The following LRRIQ3 variants were observed in gnomAD, a reference collection of about 807,000 sequenced individuals.
LRRIQ3 encodes the protein leucine rich repeats and IQ motif containing 3.
LRRIQ3 carries 75 observed loss-of-function variants against 59.3 expected under a neutral mutation model. That is an observed-to-expected ratio of 1.26 (90% CI 1.05 to 1.53). The LOEUF is 1.53. Among genes scored for constraint, LRRIQ3 ranks in the 40% most tolerant of loss-of-function variants. LRRIQ3 has a pLI of 0.00. For missense variants in LRRIQ3, 831 were observed against 710.0 expected, an observed-to-expected ratio of 1.17 and a Z score of -1.94; for synonymous variants, 250 against 231.3, an observed-to-expected ratio of 1.08 and a Z score of -0.73.
At chr1:74,040,105 G>A (rs115438332) in intron 7 of LRRIQ3, among the ~76,000 whole-genome samples, 6,517 of 151,680 alleles carry the variant, frequency 0.043, 210 homozygotes, top group Non-Finnish European at 0.07. Flanking sequence ...CCAAGCAAAT[G>A]GAAAGGAAAA....
intron 5 of LRRIQ3, among the ~76,000 whole-genome samples, chr1:74,090,393 T>C (rs1383931634): frequency 5.3e-5 from 8 of 151,892 alleles, no homozygotes; most frequent in Non-Finnish European, 1.0e-4. Context: ...AACTTAAAAA[T>C]AAATTATAAA....
At chr1:74,147,307 G>A (rs938208315) in intron 4 of LRRIQ3, among the ~76,000 whole-genome samples, 1 of 152,022 alleles carries the variant, frequency 6.6e-6, no homozygotes, top group African/African-American at 2.4e-5. Context: ...AAATTTTCTA[G>A]GCAACAAGAA....
At chr1:74,068,806 C>T (rs1202931035) in intron 6 of LRRIQ3, among the ~76,000 whole-genome samples, 1 of 150,808 alleles carries the variant, frequency 6.6e-6, no homozygotes, top group Non-Finnish European at 1.5e-5. Flanking sequence ...TCAGTCATTC[C>T]AGCAAACAAT....
intron 4 of LRRIQ3, among the ~76,000 whole-genome samples, chr1:74,143,769 G>A (rs1015775533): frequency 3.3e-5 from 5 of 150,790 alleles, no homozygotes; most frequent in Non-Finnish European, 5.9e-5. Context: ...CCAAAATGAA[G>A]TCTCAAAACC....
intron 6 of LRRIQ3, among the ~76,000 whole-genome samples, chr1:74,055,467 C>T (rs972175401): frequency 1.3e-5 from 2 of 151,742 alleles, no homozygotes; most frequent in Non-Finnish European, 2.9e-5. Flanking sequence ...TTTTTTGTGT[C>T]TTCTCTCTTA....
At position 74,195,980 on chromosome 1, in the gene LRRIQ3, C is replaced by T. The variant is rs754809518; in HGVS notation, c.-1+2016G>A. ...CAACTGCCACGGAAATTTACTCCTA[C>T]TCATATATATAGTATTTTTTAATTT... On this transcript the variant is annotated intron_variant, in intron 1 of 7. Coordinates refer to ENST00000354431, the MANE Select transcript of LRRIQ3 (RefSeq NM_001105659.2). Among the ~76,000 whole-genome samples, 128 of 151,778 alleles carry T rather than the reference C, an allele frequency of 8.4e-4. 1 individual carries two copies. The highest frequency in any genetic ancestry group is 2.9e-4 in the Non-Finnish European group (20 of 67,968).
At chr1:74,125,069 C>T (rs1335326793) in intron 4 of LRRIQ3, among the ~76,000 whole-genome samples, 1 of 151,800 alleles carries the variant, frequency 6.6e-6, no homozygotes. Context: ...AGAGATTGCT[C>T]ACTTCTTTGG....
intron 4 of LRRIQ3, among the ~76,000 whole-genome samples, chr1:74,113,878 G>T (rs1048514967): frequency 2.0e-5 from 3 of 151,560 alleles, no homozygotes; most frequent in Non-Finnish European, 4.4e-5. Flanking sequence ...TTATTAATGG[G>T]TATAAATGCA....
intron 6 of LRRIQ3, among the ~76,000 whole-genome samples, chr1:74,063,871 A>G (rs1334644580): frequency 6.6e-6 from 1 of 151,932 alleles, no homozygotes; most frequent in Non-Finnish European, 1.5e-5. Flanking sequence ...ATCTTTATCA[A>G]TTCACATTTA....
chr1:74,186,737 C>T (rs1256876900), intron 1 of LRRIQ3, among the ~76,000 whole-genome samples: 1 of 151,920 alleles, frequency 6.6e-6, no homozygotes, highest in Non-Finnish European at 1.5e-5. Context: ...TAATTCAATG[C>T]CTTTTTTTTC....
intron 4 of LRRIQ3, among the ~76,000 whole-genome samples, chr1:74,129,129 G>A (rs1646976211): frequency 6.6e-6 from 1 of 151,984 alleles, no homozygotes; most frequent in Admixed American, 6.6e-5. Flanking sequence ...ATGTTCACTC[G>A]AGCCTGCAGA....
chr1:74,095,409 T>C (rs1646438472), intron 5 of LRRIQ3, among the ~76,000 whole-genome samples: 1 of 152,158 alleles, frequency 6.6e-6, no homozygotes, highest in African/African-American at 2.4e-5. Flanking sequence ...CATAGAACTG[T>C]TCATGTAAAT....
At chr1:74,073,208 A>C (rs565908201) in intron 6 of LRRIQ3, among the ~76,000 whole-genome samples, 1 of 152,202 alleles carries the variant, frequency 6.6e-6, no homozygotes, top group African/African-American at 2.4e-5. Context: ...AATACTATTT[A>C]GTTTTCATAT....
At chr1:74,078,711 T>G (rs1393983622) in intron 5 of LRRIQ3, 1 of 151,828 alleles carries the variant, frequency 6.6e-6, no homozygotes, top group Non-Finnish European at 1.5e-5. Context: ...CAGATGATTT[T>G]GGATAACCTG....
chr1:74,179,411 A>G (rs753716399), intron 3 of LRRIQ3, among the ~76,000 whole-genome samples: 3 of 151,974 alleles, frequency 2.0e-5, no homozygotes, highest in Non-Finnish European at 2.9e-5. Context: ...TTTTCAAATG[A>G]GCATATGCTT....
rs192507661 is a variant in LRRIQ3, at chr1:74,030,834, A to T, written c.1719-3865T>A. 6.1e-3 allele frequency among the ~76,000 whole-genome samples: 923 copies of T among 152,312 alleles called. 5 individuals are homozygous for T. Among genetic ancestry groups the T allele is most frequent in the African/African-American group, 0.021 (872 of 41,572 alleles). ...TCAGAATGAACAGACAACCTACAGA[A>T]TGTGAGAAAACTTTTGCAATCTACT... On this transcript the variant is annotated intron_variant, in intron 7 of 7. Transcript: ENST00000354431.
intron 6 of LRRIQ3, among the ~76,000 whole-genome samples, chr1:74,063,976 G>A (rs1654802205): frequency 6.6e-6 from 1 of 151,040 alleles, no homozygotes; most frequent in African/African-American, 2.4e-5. Flanking sequence ...TATTCTCAGG[G>A]GTCACTCTAG....
At chr1:74,137,899 C>T (rs1237202135) in intron 4 of LRRIQ3, among the ~76,000 whole-genome samples, 1 of 150,346 alleles carries the variant, frequency 6.7e-6, no homozygotes, top group Non-Finnish European at 1.5e-5. Flanking sequence ...ACAATGAGAA[C>T]ACAGGACACA....
chr1:74,112,963 G>A (rs1333956719), intron 4 of LRRIQ3, among the ~76,000 whole-genome samples: 2 of 151,872 alleles, frequency 1.3e-5, no homozygotes, highest in Non-Finnish European at 2.9e-5. Context: ...GCAGACAACA[G>A]AAACCAACAT....
Sources: allele counts gnomAD v4.1 joint callset (sites outside exome capture counted in the v4.1 genomes callset), GRCh38; gene constraint gnomAD v4.1.1; transcripts MANE v1.5; gene names NCBI Gene and HGNC (gene_info 2026-07-23, HGNC 2026-07-21).